NRG1: variants seen among roughly 807,000 people sequenced by gnomAD.
NRG1 encodes the protein pro-neuregulin-1, membrane-bound isoform.
Under a neutral mutation model 63.8 loss-of-function variants are expected in NRG1, and 18 were observed. The observed-to-expected ratio is 0.28, with a 90% CI of 0.19 to 0.42. NRG1 has a LOEUF of 0.42. Among genes scored for constraint, NRG1 ranks in the 10% least tolerant of loss-of-function variants. The pLI is 1.00. For synonymous variants in NRG1, 302 were observed against 301.3 expected, an observed-to-expected ratio of 1.00 and a Z score of -0.02; for missense variants, 762 against 814.7, an observed-to-expected ratio of 0.94 and a Z score of 0.79.
At chr8:32,427,964 C>A (rs543404846) in intron 1 of NRG1, among the ~76,000 whole-genome samples, 2 of 152,312 alleles carry the variant, frequency 1.3e-5, no homozygotes, top group African/African-American at 4.8e-5. Context: ...AAAATCTTAA[C>A]AGTTTACAAC....
chr8:31,818,511 G>A (rs966242564), intron 1 of NRG1, among the ~76,000 whole-genome samples: 43 of 152,260 alleles, frequency 2.8e-4, no homozygotes, highest in South Asian at 2.1e-3. Context: ...GGATGAAACC[G>A]TTCCACCTCA....
chr8:32,470,716 A>G (rs1438202507), intron 1 of NRG1, among the ~76,000 whole-genome samples: 1 of 152,074 alleles, frequency 6.6e-6, no homozygotes, highest in Non-Finnish European at 1.5e-5. Flanking sequence ...AATGAACCTC[A>G]TTGGATAACT....
chr8:32,300,900 C>G (rs1855502672), intron 1 of NRG1, among the ~76,000 whole-genome samples: 1 of 152,140 alleles, frequency 6.6e-6, no homozygotes, highest in Non-Finnish European at 1.5e-5. Context: ...AAAGGCAAAC[C>G]CATTGTAGAA....
At position 32,761,058 on chromosome 8, in the gene NRG1, T is replaced by C. The variant is rs569483661; in HGVS notation, c.1259+652T>C. On this transcript the variant is annotated intron_variant, in intron 11 of 11. Coordinates refer to ENST00000356819, the Ensembl canonical transcript of NRG1. ...TTCAAGATGGCCCTTTATTCCAGAA[T>C]GTTTTGGCTTTCCTTTGGGGAGATT... The C allele has an allele frequency of 1.4e-5, 13 of 937,844 alleles. No individual in the cohort carries two copies. The East Asian group carries it at 1.3e-3, about 93-fold the overall frequency. 58.1% of individuals were successfully genotyped at this position (937,844 alleles called of 1,614,324 possible).
intron 1 of NRG1, among the ~76,000 whole-genome samples, chr8:31,798,657 T>C (rs1466255771): frequency 1.3e-5 from 2 of 152,188 alleles, no homozygotes; most frequent in Non-Finnish European, 2.9e-5. Flanking sequence ...GCAATTTAAG[T>C]GTCATATGTA....
intron 1 of NRG1, among the ~76,000 whole-genome samples, chr8:32,096,027 A>C (rs1209930306): frequency 1.3e-5 from 2 of 152,200 alleles, no homozygotes; most frequent in South Asian, 4.1e-4. Context: ...CATGCAGGGA[A>C]CAGTATTTCA....
At chr8:31,780,449 G>A (rs1026738036) in intron 1 of NRG1, among the ~76,000 whole-genome samples, 1 of 152,052 alleles carries the variant, frequency 6.6e-6, no homozygotes, top group Non-Finnish European at 1.5e-5. Flanking sequence ...GGTCAAATAT[G>A]GAACAGATGG....
At chr8:32,749,407 C>T (rs566136756) in intron 7 of NRG1, 1 of 793,462 alleles carries the variant, frequency 1.3e-6, no homozygotes, top group African/African-American at 1.7e-5. Context: ...TACCTGAGCA[C>T]TGCTTCTTAA....
intron 1 of NRG1, among the ~76,000 whole-genome samples, chr8:32,218,275 A>G (rs1334787717): frequency 6.6e-6 from 1 of 152,204 alleles, no homozygotes. Flanking sequence ...AAGGTGGCCA[A>G]CCATTCAAAC....
At chr8:32,743,041 C>T in intron 7 of NRG1, 1 of 1,145,318 alleles carries the variant, frequency 8.7e-7, no homozygotes, top group Non-Finnish European at 1.1e-6. Context: ...ATAATAAAGG[C>T]ATTTCAAAGT....
At chr8:31,888,148 T>C (rs1830868911) in intron 1 of NRG1, among the ~76,000 whole-genome samples, 1 of 151,998 alleles carries the variant, frequency 6.6e-6, no homozygotes, top group African/African-American at 2.4e-5. Context: ...TGTGTGTGTG[T>C]CTATGTACAA....
chr8:31,779,324 A>G (rs1410784399), intron 1 of NRG1, among the ~76,000 whole-genome samples: 1 of 152,176 alleles, frequency 6.6e-6, no homozygotes, highest in East Asian at 1.9e-4. Context: ...GCATTACCTT[A>G]AAATCCTTAA....
intron 1 of NRG1, among the ~76,000 whole-genome samples, chr8:31,702,713 T>C (rs1810750279): frequency 6.6e-6 from 1 of 152,138 alleles, no homozygotes; most frequent in South Asian, 2.1e-4. Context: ...TTGCAAAAGG[T>C]GGATGTAACT....
At chr8:32,488,269 A>G (rs916739658) in intron 1 of NRG1, among the ~76,000 whole-genome samples, 2 of 152,220 alleles carry the variant, frequency 1.3e-5, no homozygotes, top group Non-Finnish European at 2.9e-5. Context: ...TCTGCAATAA[A>G]GAGGAAGACT....
At chr8:32,182,013 A>G (rs1293602272) in intron 1 of NRG1, among the ~76,000 whole-genome samples, 1 of 152,214 alleles carries the variant, frequency 6.6e-6, no homozygotes, top group Non-Finnish European at 1.5e-5. Flanking sequence ...TGAATTAACT[A>G]CTATTCAAGT....
chr8:31,831,645 T>A (rs1239014662), intron 1 of NRG1, among the ~76,000 whole-genome samples: 1 of 152,184 alleles, frequency 6.6e-6, no homozygotes, highest in Non-Finnish European at 1.5e-5. Context: ...GTATTCTCTC[T>A]CTATGGAGAG....
intron 1 of NRG1, among the ~76,000 whole-genome samples, chr8:32,298,731 GA>G (rs368200398): frequency 0.056 from 7,024 of 125,310 alleles, 405 homozygotes; most frequent in African/African-American, 0.14. Flanking sequence ...AAAAAAAAAA[GA>G]AAAGAAAAGA....
At chr8:32,544,565 C>A (rs1162007487), upstream of NRG1, among the ~76,000 whole-genome samples, 1 of 150,562 alleles carries the variant, frequency 6.6e-6, no homozygotes, top group Non-Finnish European at 1.5e-5. Flanking sequence ...TGCAGTGGCA[C>A]ATTTATGGCT....
intron 1 of NRG1, among the ~76,000 whole-genome samples, chr8:31,722,627 T>A (rs540512516): frequency 4.0e-4 from 61 of 152,278 alleles, no homozygotes; most frequent in African/African-American, 1.5e-3. Flanking sequence ...AGCATCAGAT[T>A]GAATTAATTG....
Sources: allele counts gnomAD v4.1 joint callset (sites outside exome capture counted in the v4.1 genomes callset), GRCh38; gene constraint gnomAD v4.1.1; transcripts MANE v1.5; gene names NCBI Gene and HGNC (gene_info 2026-07-23, HGNC 2026-07-21).